Variants in CDC40 observed in about 807,000 individuals in gnomAD.
The protein encoded by CDC40 is pre-mRNA-processing factor 17.
CDC40 carries 27 observed loss-of-function variants against 80.6 expected under a neutral mutation model. That is an observed-to-expected ratio of 0.33 (90% confidence interval 0.25 to 0.46). The LOEUF is 0.46. CDC40 is among the 20% of genes least tolerant of loss of function. The pLI is 1.00. For synonymous variants in CDC40, 221 were observed against 232.6 expected, an observed-to-expected ratio of 0.95 and a Z score of 0.45; for missense variants, 486 against 694.1, an observed-to-expected ratio of 0.70 and a Z score of 3.37.
At chr6:110,213,474 T>C (rs9386883) in intron 8 of CDC40, among the ~76,000 whole-genome samples, 147,559 of 150,570 alleles carry the variant, frequency 0.98, 72,378 homozygotes, top group Middle Eastern at 1. Context: ...ACTGCAAGCT[T>C]CGCCTCCCGG....
chr6:110,212,701 T>C (rs1286663753), intron 7 of CDC40, among the ~76,000 whole-genome samples: 2 of 152,226 alleles, frequency 1.3e-5, no homozygotes, highest in East Asian at 3.8e-4. Context: ...ATTTTTAAAC[T>C]AATGCAGAGA....
rs1777933363 is a variant in CDC40, at chr6:110,231,210, T to C, written c.*1079T>C. ...TTTTTGAAAACATCAGATTATAAAA[T>C]CAAGATAGTCCGGACGCGGTGGCAC... On this transcript the variant is annotated 3_prime_UTR_variant, in exon 15 of 15. Coordinates refer to ENST00000307731, the MANE Select transcript of CDC40 (RefSeq NM_015891.3). 6.6e-6 allele frequency: 1 copy of C among 152,108 alleles called. No individual in the cohort carries two copies. Among genetic ancestry groups the C allele is most frequent in the Middle Eastern group, 3.2e-3 (1 of 316 alleles). The allele number at this position is 152,108 out of a possible 1,614,324, so 9.4% of individuals were successfully genotyped here.
chr6:110,198,135 T>C (rs1777442207), intron 2 of CDC40, among the ~76,000 whole-genome samples: 1 of 152,094 alleles, frequency 6.6e-6, no homozygotes, highest in Non-Finnish European at 1.5e-5. Context: ...TTTGCATTTC[T>C]CTGGTGATTA....
Position 110,193,252 on chromosome 6 carries a change from C to G in CDC40, c.260C>G (p.Thr87Ser), listed in dbSNP as rs1450949101. The G allele has an allele frequency of 6.3e-7, 1 of 1,598,254 alleles. No homozygotes were observed. The highest frequency in any genetic ancestry group is 1.7e-5 in the Admixed American group (1 of 59,958). The change falls in exon 2 of 15, where the codon ACC (threonine) becomes AGC (serine). Residue 87 changes from threonine (T) to serine (S), a missense_variant. Physicochemically the swap from Thr to Ser is moderately conservative, Grantham distance 58 (BLOSUM62 1). Transcript: ENST00000307731. ...KEVQYNPTYE[T>S]MFAPEFGPEN... is the part of the protein sequence containing the mutation. ...GTTCAGTATAATCCTACCTATGAGA[C>G]CATGTTTGCTCCTGAGGTAAGAAAA...
chr6:110,230,856 A>G lies in CDC40; in HGVS notation c.*725A>G, dbSNP rs1457040120. ...CTCAGGAGAATGCACCAAGACTTTG[A>G]ATTGTATTTACATTCACTGTCAGTA... On this transcript the variant is annotated 3_prime_UTR_variant, in exon 15 of 15. Transcript: ENST00000307731. 6.6e-6 allele frequency: 1 copy of G among 152,238 alleles called. No individual in the cohort carries two copies. Among genetic ancestry groups the G allele is most frequent in the Non-Finnish European group, 1.5e-5 (1 of 68,064 alleles). The allele number at this position is 152,238 out of a possible 1,614,324, so 9.4% of individuals were successfully genotyped here.
chr6:110,225,465 T>C (rs1777843043), intron 12 of CDC40, among the ~76,000 whole-genome samples: 2 of 151,880 alleles, frequency 1.3e-5, no homozygotes, highest in South Asian at 4.1e-4. Context: ...TTTTTTTTTT[T>C]TATGTTTTTT....
At chr6:110,214,670 A>G (rs1023605446) in intron 8 of CDC40, among the ~76,000 whole-genome samples, 1 of 152,194 alleles carries the variant, frequency 6.6e-6, no homozygotes, top group African/African-American at 2.4e-5. Flanking sequence ...AATGCTTTCT[A>G]TTTTAGAGTA....
At chr6:110,189,124 C>T (rs1303282313) in intron 1 of CDC40, among the ~76,000 whole-genome samples, 1 of 152,164 alleles carries the variant, frequency 6.6e-6, no homozygotes, top group Non-Finnish European at 1.5e-5. Context: ...CTTCCCCTTC[C>T]CATTTATTCT....
chr6:110,221,702 G>A (rs1373201606), intron 12 of CDC40, among the ~76,000 whole-genome samples: 3 of 152,102 alleles, frequency 2.0e-5, no homozygotes, highest in Non-Finnish European at 4.4e-5. Context: ...TCTACCTTCA[G>A]ATATTTTCAA....
At chr6:110,191,425 GTT>G (rs1584062604) in intron 1 of CDC40, among the ~76,000 whole-genome samples, 1 of 152,188 alleles carries the variant, frequency 6.6e-6, no homozygotes, top group East Asian at 1.9e-4. Context: ...GATAGGGATA[GTT>G]CAAGGGTTTG....
At chr6:110,193,607 G>A (rs1777380752) in intron 2 of CDC40, among the ~76,000 whole-genome samples, 1 of 151,970 alleles carries the variant, frequency 6.6e-6, no homozygotes, top group Non-Finnish European at 1.5e-5. Context: ...GGGTTTCACT[G>A]TGTTAGCCAG....
At chr6:110,190,928 T>TC (rs1317592905) in intron 1 of CDC40, among the ~76,000 whole-genome samples, 1 of 152,130 alleles carries the variant, frequency 6.6e-6, no homozygotes, top group African/African-American at 2.4e-5. Flanking sequence ...AACCCTGGCT[T>TC]CCCATACCAC....
chr6:110,199,538 G>A (rs1018161341), intron 2 of CDC40, among the ~76,000 whole-genome samples: 9 of 150,294 alleles, frequency 6.0e-5, no homozygotes, highest in Admixed American at 1.3e-4. Context: ...AGCTTGCAGC[G>A]AGCTGAGATT....
At chr6:110,217,864 G>C in intron 10 of CDC40, 61 bp downstream of exon 10, 1 of 878,092 alleles carries the variant, frequency 1.1e-6, no homozygotes, top group Non-Finnish European at 1.9e-6. Flanking sequence ...TTGAAATGGT[G>C]TGAGTAGTCT....
At chr6:110,191,951 C>G (rs1168098470) in intron 1 of CDC40, among the ~76,000 whole-genome samples, 1 of 152,120 alleles carries the variant, frequency 6.6e-6, no homozygotes, top group East Asian at 1.9e-4. Context: ...AAGGTACTTA[C>G]AATCAAATAT....
chr6:110,184,668 T>TAAAATA (rs1777242232), intron 1 of CDC40, among the ~76,000 whole-genome samples: 1 of 152,084 alleles, frequency 6.6e-6, no homozygotes, highest in Non-Finnish European at 1.5e-5. Flanking sequence ...CAGGAAGATC[T>TAAAATA]AAAATAAAAA....
At chr6:110,220,858 T>C (rs757149609) in intron 12 of CDC40, among the ~76,000 whole-genome samples, 4 of 152,156 alleles carry the variant, frequency 2.6e-5, no homozygotes, top group Non-Finnish European at 4.4e-5. Context: ...GCAAGAACAG[T>C]ATGGTAGAAA....
At chr6:110,202,324 C>G (rs1484005724) in intron 3 of CDC40, among the ~76,000 whole-genome samples, 1 of 152,112 alleles carries the variant, frequency 6.6e-6, no homozygotes, top group African/African-American at 2.4e-5. Context: ...TTAAATCACC[C>G]AAAACAGTTC....
At chr6:110,220,636 G>A (rs1400830389) in intron 12 of CDC40, among the ~76,000 whole-genome samples, 3 of 151,582 alleles carry the variant, frequency 2.0e-5, no homozygotes, top group Admixed American at 6.6e-5. Context: ...TAGTAGAGAT[G>A]GGGTTTCACT....
Sources: allele counts gnomAD v4.1 joint callset (sites outside exome capture counted in the v4.1 genomes callset), GRCh38; gene constraint gnomAD v4.1.1; transcripts MANE v1.5; gene names NCBI Gene and HGNC (gene_info 2026-07-23, HGNC 2026-07-21).